The following CFAP61 variants were observed in gnomAD, a reference collection of about 807,000 sequenced individuals.
CFAP61 encodes the protein cilia and flagella associated protein 61, also known as cilia- and flagella-associated protein 61.
In CFAP61, 107 loss-of-function variants were observed where a neutral mutation model predicts 135.6. That is an observed-to-expected ratio of 0.79 (90% CI 0.67 to 0.93). The LOEUF (loss-of-function observed/expected upper bound fraction) is 0.93, where lower values mean the gene tolerates loss of function less well. Ranked by LOEUF, CFAP61 falls within the 40% of genes least tolerant of loss-of-function variation. The pLI, the probability that CFAP61 is intolerant of heterozygous loss-of-function variation, is 0.00. For synonymous variants in CFAP61, 575 were observed against 578.5 expected (o/e 0.99, Z 0.09); for missense variants, 1,507 against 1,556.2 (o/e 0.97, Z 0.53).
chr20:20,346,063 G>A (rs1207447663), intron 26 of CFAP61, among the ~76,000 whole-genome samples: 8 of 136,032 alleles, frequency 5.9e-5, no homozygotes, highest in Non-Finnish European at 8.0e-5. Flanking sequence ...CACCGCGCCC[G>A]GCTAATTTTT....
intron 8 of CFAP61, among the ~76,000 whole-genome samples, chr20:20,139,180 A>AT (rs1282983508): frequency 6.6e-6 from 1 of 152,208 alleles, no homozygotes; most frequent in African/African-American, 2.4e-5. Flanking sequence ...TATTATTCCT[A>AT]TTAGATAAAG....
chr20:20,205,173 G>A (rs534313762), intron 17 of CFAP61, among the ~76,000 whole-genome samples: 8 of 151,970 alleles, frequency 5.3e-5, no homozygotes, highest in Non-Finnish European at 7.4e-5. Flanking sequence ...CTAATTTTTC[G>A]CTCTTAGAAA....
At chr20:20,139,792 T>C (rs186612572) in intron 8 of CFAP61, among the ~76,000 whole-genome samples, 124 of 152,312 alleles carry the variant, frequency 8.1e-4, no homozygotes, top group Admixed American at 4.4e-3. Context: ...CATTAGACCA[T>C]TGACAGTTAA....
At chr20:20,222,267 G>A (rs931089915) in intron 17 of CFAP61, among the ~76,000 whole-genome samples, 2 of 152,102 alleles carry the variant, frequency 1.3e-5, no homozygotes, top group Non-Finnish European at 2.9e-5. Context: ...CCCAAATAGG[G>A]AATATGGGTA....
intron 17 of CFAP61, chr20:20,200,582 A>G (rs1191462965): frequency 2.5e-6 from 1 of 402,594 alleles, no homozygotes. Flanking sequence ...TAATTTTCTC[A>G]TGTTGACTGA....
intron 26 of CFAP61, among the ~76,000 whole-genome samples, chr20:20,344,600 A>G (rs1276689818): frequency 6.6e-6 from 1 of 152,216 alleles, no homozygotes; most frequent in Non-Finnish European, 1.5e-5. Context: ...ACAGGCAGTA[A>G]CAAATGCTGG....
At chr20:20,314,332 T>C (rs1364064329) in intron 25 of CFAP61, among the ~76,000 whole-genome samples, 1 of 149,658 alleles carries the variant, frequency 6.7e-6, no homozygotes. Flanking sequence ...AGAGGCTGCA[T>C]TGAGCCAAGA....
At chr20:20,140,209 A>C (rs1313973401) in intron 8 of CFAP61, among the ~76,000 whole-genome samples, 1 of 121,222 alleles carries the variant, frequency 8.2e-6, no homozygotes, top group East Asian at 2.4e-4. Context: ...TATTATTATT[A>C]TACTTTAAGT....
intron 25 of CFAP61, among the ~76,000 whole-genome samples, chr20:20,301,886 T>C (rs978509581): frequency 6.6e-6 from 1 of 152,232 alleles, no homozygotes; most frequent in African/African-American, 2.4e-5. Flanking sequence ...TTTTTGTCCT[T>C]TCATTCTTCT....
intron 8 of CFAP61, among the ~76,000 whole-genome samples, chr20:20,129,908 T>A (rs1600832810): frequency 2.6e-5 from 4 of 151,736 alleles, no homozygotes; most frequent in Admixed American, 2.6e-4. Flanking sequence ...AGTTCCAAGA[T>A]AGCCACTTGA....
At chr20:20,279,089 T>TGA (rs2053991591) in intron 22 of CFAP61, among the ~76,000 whole-genome samples, 1 of 152,114 alleles carries the variant, frequency 6.6e-6, no homozygotes, top group Non-Finnish European at 1.5e-5. Flanking sequence ...CCTCTAGAGG[T>TGA]GAGTGTGTGC....
At chr20:20,304,303 T>TGAGA (rs112391087) in intron 25 of CFAP61, among the ~76,000 whole-genome samples, 15 of 147,576 alleles carry the variant, frequency 1.0e-4, no homozygotes, top group South Asian at 6.4e-4. Context: ...TGTGTGTGTG[T>TGAGA]GAGAGAGAGA....
At chr20:20,276,325 G>C (rs1396580402) in intron 21 of CFAP61, among the ~76,000 whole-genome samples, 1 of 151,696 alleles carries the variant, frequency 6.6e-6, no homozygotes, top group Non-Finnish European at 1.5e-5. Context: ...ATCTTACCTG[G>C]AAAATGAGTC....
intron 24 of CFAP61, among the ~76,000 whole-genome samples, chr20:20,294,355 G>A (rs1193346355): frequency 6.6e-6 from 1 of 152,244 alleles, no homozygotes; most frequent in South Asian, 2.1e-4. Context: ...CCCTGTTTGA[G>A]TGAATTGTAT....
chr20:20,328,668 G>A (rs1249147206), intron 25 of CFAP61, among the ~76,000 whole-genome samples: 1 of 152,090 alleles, frequency 6.6e-6, no homozygotes, highest in Non-Finnish European at 1.5e-5. Context: ...AATATATAAT[G>A]AAGTCATATA....
intron 8 of CFAP61, among the ~76,000 whole-genome samples, chr20:20,130,651 A>C (rs145252658): frequency 6.6e-5 from 10 of 151,712 alleles, no homozygotes; most frequent in African/African-American, 2.2e-4. Flanking sequence ...CCAGGTTTGC[A>C]TCAATTCTAG....
At chr20:20,168,707 C>T (rs566798550) in intron 12 of CFAP61, among the ~76,000 whole-genome samples, 1 of 152,268 alleles carries the variant, frequency 6.6e-6, no homozygotes, top group East Asian at 1.9e-4. Context: ...ACTGACAGGG[C>T]AGGCCTAGAA....
intron 26 of CFAP61, among the ~76,000 whole-genome samples, chr20:20,345,234 C>T (rs1308587206): frequency 2.0e-5 from 3 of 151,688 alleles, no homozygotes; most frequent in Non-Finnish European, 4.4e-5. Context: ...ATTTTATATT[C>T]TAAGATAACT....
intron 24 of CFAP61, among the ~76,000 whole-genome samples, chr20:20,291,158 C>T (rs1032059371): frequency 7.2e-5 from 11 of 152,268 alleles, no homozygotes; most frequent in Admixed American, 2.0e-4. Context: ...CCTACACTGA[C>T]ACATTATTAT....
Sources: gnomAD v4.1 joint callset for allele counts (sites outside exome capture counted in the v4.1 genomes callset) on GRCh38, gnomAD v4.1.1 for gene constraint, MANE v1.5 for transcripts, NCBI Gene and HGNC (gene_info 2026-07-23, HGNC 2026-07-21) for gene names.